SF3A3: variants seen among roughly 807,000 people sequenced by gnomAD.
SF3A3 encodes SAP 61.
Under a neutral mutation model 85.8 loss-of-function variants are expected in SF3A3, and 9 were observed. The observed-to-expected ratio is 0.10, with a 90% CI of 0.06 to 0.18. SF3A3 has a LOEUF of 0.18. Among genes scored for constraint, SF3A3 ranks in the 10% least tolerant of loss-of-function variants. The probability of loss-of-function intolerance (pLI) is 1.00; values close to 1 mark genes in which losing one functional copy is unlikely to be tolerated. For synonymous variants in SF3A3, 195 were observed against 204.4 expected, an observed-to-expected ratio of 0.95 and a Z score of 0.39; for missense variants, 306 against 593.3, an observed-to-expected ratio of 0.52 and a Z score of 5.03.
intron 2 of SF3A3, among the ~76,000 whole-genome samples, chr1:37,988,565 A>G (rs1004216131): frequency 6.6e-6 from 1 of 152,172 alleles, no homozygotes; most frequent in East Asian, 1.9e-4. Context: ...CCAAGGGGAA[A>G]AAAAGAAAAT....
At chr1:37,983,457 C>T (rs1358363952) in intron 6 of SF3A3, among the ~76,000 whole-genome samples, 2 of 150,356 alleles carry the variant, frequency 1.3e-5, no homozygotes, top group Admixed American at 6.6e-5. Context: ...TGGTGGCACA[C>T]GCCTGTAGTC....
chr1:37,981,320 G>T (rs915979201), intron 7 of SF3A3, among the ~76,000 whole-genome samples: 2 of 152,108 alleles, frequency 1.3e-5, no homozygotes, highest in African/African-American at 2.4e-5. Flanking sequence ...GAGGGGAAGG[G>T]TATAAAATCA....
rs189409176 is a variant in SF3A3 at position 37,973,278 on chromosome 1, T to C, written c.1006-3543A>G. 2.5e-3 allele frequency among the ~76,000 whole-genome samples: 373 copies of C among 152,236 alleles called. 1 individual carries two copies. Among genetic ancestry groups the C allele is most frequent in the African/African-American group, 8.4e-3 (350 of 41,544 alleles). On this transcript the variant is annotated intron_variant, in intron 12 of 16. Coordinates refer to ENST00000373019, the MANE Select transcript of SF3A3 (RefSeq NM_006802.4). ...AACCTAGGCAATACCATTCAGGCCA[T>C]AGGCATGGGCGAGGACTTCATGACT...
intron 12 of SF3A3, among the ~76,000 whole-genome samples, chr1:37,974,614 T>C (rs909156745): frequency 1.3e-5 from 2 of 152,182 alleles, no homozygotes; most frequent in Admixed American, 6.6e-5. Context: ...AGATGACCAC[T>C]TTCTAACTTG....
intron 12 of SF3A3, among the ~76,000 whole-genome samples, chr1:37,973,561 G>A (rs916909573): frequency 1.3e-5 from 2 of 152,178 alleles, no homozygotes; most frequent in Non-Finnish European, 2.9e-5. Flanking sequence ...GAATGGCGAT[G>A]ATTAAAAAGT....
chr1:37,989,860 C>T lies in SF3A3; in HGVS notation c.96+10G>A. 1 of 1,599,926 alleles carries T rather than the reference C, an allele frequency of 6.3e-7. No individual in the cohort carries two copies. Among genetic ancestry groups the T allele is most frequent in the Non-Finnish European group, 8.6e-7 (1 of 1,167,622 alleles). On this transcript the variant is annotated intron_variant, in intron 1 of 16. Coordinates refer to ENST00000373019, the MANE Select transcript of SF3A3 (RefSeq NM_006802.4). ...GCTCCTGCCGCAGCCTCTGCTCAGG[C>T]CCCACTCACCGTGGACTTCTTGGTG...
chr1:37,989,207 A>G (rs1646476990), intron 2 of SF3A3, among the ~76,000 whole-genome samples: 1 of 152,010 alleles, frequency 6.6e-6, no homozygotes, highest in Non-Finnish European at 1.5e-5. Context: ...AGGCAGGAGA[A>G]TCGCTTGAAC....
At chr1:37,978,571 C>T in intron 11 of SF3A3, 149 bp downstream of exon 11, 1 of 591,794 alleles carries the variant, frequency 1.7e-6, no homozygotes, top group Non-Finnish European at 3.1e-6. Flanking sequence ...ATAGTACTCT[C>T]TGCTATTAGC....
intron 4 of SF3A3, among the ~76,000 whole-genome samples, chr1:37,986,534 G>A (rs764006702): frequency 2.2e-4 from 33 of 151,984 alleles, no homozygotes; most frequent in Non-Finnish European, 4.3e-4. Flanking sequence ...TATGAGGGCC[G>A]GGCGCGGTGG....
chr1:37,979,108 C>T, intron 9 of SF3A3, 53 bp from the exon 10 acceptor site: 1 of 1,472,760 alleles, frequency 6.8e-7, no homozygotes, highest in Non-Finnish European at 9.5e-7. Context: ...TTTTGGGAAA[C>T]CCCAAATGCA....
chr1:37,971,905 G>A (rs190635795), intron 12 of SF3A3, among the ~76,000 whole-genome samples: 2,681 of 152,270 alleles, frequency 0.018, 43 homozygotes, highest in Middle Eastern at 0.037. Flanking sequence ...ATATCATACT[G>A]AATGGGCAAA....
chr1:37,957,389 C>CTTTTT lies in SF3A3; in HGVS notation c.*792_*796dup, dbSNP rs1553164402. ...CACAGCCCAACTCCCCCCCCCCCCC[C>CTTTTT]TTTTTTTTTTTTTGAGATGGGGCCT... On this transcript the variant is annotated 3_prime_UTR_variant, in exon 17 of 17. Coordinates refer to ENST00000373019, the MANE Select transcript of SF3A3 (RefSeq NM_006802.4). The CTTTTT allele has an allele frequency of 8.0e-6, 1 of 125,066 alleles. No homozygotes were observed. 7.7% of individuals were successfully genotyped at this position (125,066 alleles called of 1,614,324 possible). A position where few individuals can be genotyped will look rare whatever the true frequency, so the allele number is the denominator to read the frequency against.
chr1:37,963,270 G>C (rs1241622094), intron 15 of SF3A3, among the ~76,000 whole-genome samples: 2 of 152,050 alleles, frequency 1.3e-5, no homozygotes, highest in Non-Finnish European at 2.9e-5. Flanking sequence ...ATCCAAGATT[G>C]TACCACTGCA....
At chr1:37,977,126 G>A (rs556573063) in intron 11 of SF3A3, among the ~76,000 whole-genome samples, 173 bp from the exon 12 acceptor site, 1 of 152,292 alleles carries the variant, frequency 6.6e-6, no homozygotes, top group East Asian at 1.9e-4. Context: ...CAAATACTGA[G>A]GGTATTTCTC....
rs77506021 is a variant in SF3A3 at position 37,988,334 on chromosome 1, G to C, written c.145-498C>G. 3.4e-4 allele frequency among the ~76,000 whole-genome samples: 52 copies of C among 152,244 alleles called. 1 individual carries two copies. The highest frequency in any genetic ancestry group is 1.3e-3 in the African/African-American group (52 of 41,534). On this transcript the variant is annotated intron_variant, in intron 2 of 16. Transcript: ENST00000373019. ...ACATAGTCCCTCCTCCAAAACTTTT[G>C]GGACCAGATTTGTTTCAGAATTTGG... is the stretch of plus-strand genomic sequence containing the variant.
At position 37,984,251 on chromosome 1, in the gene SF3A3, TCCA is replaced by T; in HGVS notation, c.383_385del (p.Val128del). 1 of 1,588,116 alleles carries T rather than the reference TCCA, an allele frequency of 6.3e-7. No individual in the cohort carries two copies. The highest frequency in any genetic ancestry group is 8.6e-7 in the Non-Finnish European group (1 of 1,158,026). On this transcript the variant is annotated inframe_deletion, in exon 6 of 17. Coordinates refer to ENST00000373019, the MANE Select transcript of SF3A3 (RefSeq NM_006802.4). ...ACCATATCCCTCTTCATCTGTGAAC[TCCA>T]CCAAGTCTGAGGGAATCAGATACAT...
chr1:37,984,892 C>T (rs528981859), intron 4 of SF3A3, 113 bp from the exon 5 acceptor site: 2 of 808,346 alleles, frequency 2.5e-6, no homozygotes, highest in Admixed American at 4.1e-5. Flanking sequence ...ACTGCAACCT[C>T]TACCTCCCGG....
chr1:37,959,929 G>A (rs1020108420), intron 16 of SF3A3, among the ~76,000 whole-genome samples, 191 bp downstream of exon 16: 1 of 137,364 alleles, frequency 7.3e-6, no homozygotes, highest in Admixed American at 8.2e-5. Context: ...CTGCACTCCA[G>A]CCCGGGCAAC....
At chr1:37,983,971 C>T (rs777281296) in intron 6 of SF3A3, 198 bp downstream of exon 6, 31 of 426,072 alleles carry the variant, frequency 7.3e-5, no homozygotes, top group Non-Finnish European at 1.2e-4. Flanking sequence ...AATAAATATG[C>T]TTCTTGTTTT....
Sources: gnomAD v4.1 joint callset for allele counts (sites outside exome capture counted in the v4.1 genomes callset) on GRCh38, gnomAD v4.1.1 for gene constraint, MANE v1.5 for transcripts, NCBI Gene and HGNC (gene_info 2026-07-23, HGNC 2026-07-21) for gene names.